STYX: variants seen among roughly 807,000 people sequenced by gnomAD.
The protein encoded by STYX is serine/threonine/tyrosine-interacting protein.
A neutral mutation model predicts 42.7 loss-of-function variants in STYX; 20 were observed. That is an observed-to-expected ratio of 0.47 (90% CI 0.33 to 0.68). The LOEUF is 0.68. STYX is among the 30% of genes least tolerant of loss of function. The pLI, the probability that STYX is intolerant of heterozygous loss-of-function variation, is 0.02. For synonymous variants in STYX, 78 were observed against 81.9 expected (o/e 0.95, Z 0.26); for missense variants, 226 against 268.5 (o/e 0.84, Z 1.11).
intron 9 of STYX, among the ~76,000 whole-genome samples, chr14:52,764,425 T>C (rs1882219408): frequency 1.3e-5 from 2 of 152,192 alleles, no homozygotes; most frequent in Admixed American, 1.3e-4. Flanking sequence ...TTTAGATGCT[T>C]TTCCTCAGTG....
At chr14:52,762,916 A>T (rs1170125109) in intron 9 of STYX, among the ~76,000 whole-genome samples, 1 of 87,372 alleles carries the variant, frequency 1.1e-5, no homozygotes, top group East Asian at 3.8e-4. Flanking sequence ...TTTGAGGCAG[A>T]GTCTTCTGCT....
intron 9 of STYX, among the ~76,000 whole-genome samples, chr14:52,767,201 G>T (rs1882336512): frequency 6.6e-6 from 1 of 152,212 alleles, no homozygotes; most frequent in Non-Finnish European, 1.5e-5. Flanking sequence ...AGAGGAATAA[G>T]TGTAAGTGGT....
At chr14:52,769,659 C>T (rs1400825625) in intron 10 of STYX, among the ~76,000 whole-genome samples, 2 of 152,062 alleles carry the variant, frequency 1.3e-5, no homozygotes, top group Non-Finnish European at 2.9e-5. Flanking sequence ...TTTTTCATTT[C>T]CTTTGCCACA....
intron 2 of STYX, 140 bp from the exon 3 acceptor site, chr14:52,746,286 G>A (rs1881393761): frequency 3.6e-6 from 2 of 555,666 alleles, no homozygotes; most frequent in South Asian, 3.4e-5. Flanking sequence ...AAAAAAAAAA[G>A]ATTAAAAAAA....
At chr14:52,748,291 C>A (rs1487665697) in intron 3 of STYX, among the ~76,000 whole-genome samples, 1 of 152,042 alleles carries the variant, frequency 6.6e-6, no homozygotes, top group Non-Finnish European at 1.5e-5. Flanking sequence ...CAGTGGCGCG[C>A]TCTCATAGCT....
intron 4 of STYX, among the ~76,000 whole-genome samples, chr14:52,753,230 T>G (rs763915779): frequency 1.4e-4 from 21 of 151,896 alleles, no homozygotes; most frequent in Non-Finnish European, 1.5e-4. Context: ...TTTTTGTATT[T>G]TTAGTAGAGA....
chr14:52,737,975 A>G lies in STYX; in HGVS notation c.58-6877A>G, dbSNP rs115742607. Among the ~76,000 whole-genome samples, 1,285 of 152,208 alleles carry G rather than the reference A, an allele frequency of 8.4e-3. 19 individuals carry two copies. The highest frequency in any genetic ancestry group is 0.03 in the African/African-American group (1,227 of 41,536). ...TATTTTTGGTAGAGACGGGGTGTCAACCATGTTAGCCAGGATGGTCTCGAT... is the reference window on the plus strand; with the variant it reads ...TATTTTTGGTAGAGACGGGGTGTCAGCCATGTTAGCCAGGATGGTCTCGAT... On this transcript the variant is annotated intron_variant, in intron 1 of 10. Transcript: ENST00000354586.
intron 3 of STYX, 56 bp downstream of exon 3, chr14:52,746,535 G>GT (rs1454398022): frequency 1.4e-6 from 2 of 1,468,238 alleles, no homozygotes; most frequent in Non-Finnish European, 1.8e-6. Context: ...CTTTTCTTGG[G>GT]TAAGTTTTTT....
chr14:52,766,966 CAG>C (rs1471825261), intron 9 of STYX, among the ~76,000 whole-genome samples: 2 of 151,798 alleles, frequency 1.3e-5, no homozygotes, highest in Non-Finnish European at 2.9e-5. Context: ...GAGAACAAAA[CAG>C]ACAATAATCC....
chr14:52,773,808 T>A lies in STYX; in HGVS notation c.*2702T>A, dbSNP rs1349915613. 1.3e-5 allele frequency: 2 copies of A among 152,224 alleles called. No individual in the cohort carries two copies. The highest frequency in any genetic ancestry group is 1.3e-4 in the Admixed American group (2 of 15,280). 9.4% of individuals were successfully genotyped at this position (152,224 alleles called of 1,614,324 possible). On this transcript the variant is annotated 3_prime_UTR_variant, in exon 11 of 11. Coordinates refer to ENST00000354586, the MANE Select transcript of STYX (RefSeq NM_145251.4). The stretch of plus-strand genomic sequence containing the variant: ...TCTGTGATTCTTTTATTACCACTGA[T>A]GTTTTGTGATAGTTAACTATGATAA...
intron 9 of STYX, among the ~76,000 whole-genome samples, chr14:52,763,373 A>G (rs1882175148): frequency 6.6e-6 from 1 of 151,848 alleles, no homozygotes; most frequent in Non-Finnish European, 1.5e-5. Context: ...TCTGTATTCT[A>G]ATTTCTGCTT....
chr14:52,747,815 A>T (rs2139898834), intron 3 of STYX, among the ~76,000 whole-genome samples: 1 of 152,274 alleles, frequency 6.6e-6, no homozygotes, highest in Non-Finnish European at 1.5e-5. Context: ...AACATGGCAA[A>T]ACCCCGTCTC....
At chr14:52,730,894 C>CA (rs1331710558) in intron 1 of STYX, among the ~76,000 whole-genome samples, 3 of 152,346 alleles carry the variant, frequency 2.0e-5, no homozygotes, top group African/African-American at 7.2e-5. Flanking sequence ...GTAAACGATT[C>CA]ACTTGTGGGA....
rs149202191 is a variant in STYX, at chr14:52,756,149, G to A, written c.243-402G>A. ...TTCTACCTCAGCCCCCTTAGTAGCT[G>A]GGACTATAAGTGCACACCACGACAC... On this transcript the variant is annotated intron_variant, in intron 4 of 10. Transcript: ENST00000354586. 9.7e-4 allele frequency among the ~76,000 whole-genome samples: 148 copies of A among 152,246 alleles called. 2 individuals are homozygous for A. In the East Asian group the frequency reaches 0.025, roughly 26 times the overall value.
rs1279877465 is a variant in STYX at position 52,772,145 on chromosome 14, T to C, written c.*1039T>C. ...CTTAACATTTTTGTGTAATTTCCTT[T>C]CTTTTTAAACCATAAATTAGTTTAA... On this transcript the variant is annotated 3_prime_UTR_variant, in exon 11 of 11. Transcript: ENST00000354586. 1 of 151,984 alleles carries C rather than the reference T, an allele frequency of 6.6e-6. No homozygotes were observed. Among genetic ancestry groups the C allele is most frequent in the East Asian group, 1.9e-4 (1 of 5,206 alleles). 9.4% of individuals were successfully genotyped at this position (151,984 alleles called of 1,614,324 possible). A position where few individuals can be genotyped will look rare whatever the true frequency, so the allele number is the denominator to read the frequency against.
intron 1 of STYX, among the ~76,000 whole-genome samples, chr14:52,739,315 CCT>C (rs1277788362): frequency 6.6e-6 from 1 of 151,948 alleles, no homozygotes. Context: ...TATGTGTTGC[CCT>C]GTTTTTTTTT....
At chr14:52,738,250 A>G (rs1191957651) in intron 1 of STYX, among the ~76,000 whole-genome samples, 2 of 152,168 alleles carry the variant, frequency 1.3e-5, no homozygotes, top group African/African-American at 4.8e-5. Context: ...GTAATTACTA[A>G]TGTTCTCTGA....
chr14:52,770,212 A>G (rs1482267200), intron 10 of STYX, among the ~76,000 whole-genome samples: 1 of 152,146 alleles, frequency 6.6e-6, no homozygotes, highest in African/African-American at 2.4e-5. Flanking sequence ...ATTTTATCTC[A>G]TTCAATTGTA....
At chr14:52,748,068 A>G (rs997999916) in intron 3 of STYX, among the ~76,000 whole-genome samples, 2 of 152,222 alleles carry the variant, frequency 1.3e-5, no homozygotes, top group African/African-American at 4.8e-5. Context: ...CCATGGTCTT[A>G]TTAGACAGGA....
Sources: gnomAD v4.1 joint callset for allele counts (sites outside exome capture counted in the v4.1 genomes callset) on GRCh38, gnomAD v4.1.1 for gene constraint, MANE v1.5 for transcripts, NCBI Gene and HGNC (gene_info 2026-07-23, HGNC 2026-07-21) for gene names.